The following PSD3 variants were observed in gnomAD, a reference collection of about 807,000 sequenced individuals.
PSD3 encodes the protein PH and SEC7 domain-containing protein 3.
PSD3 carries 49 observed loss-of-function variants against 105.5 expected under a neutral mutation model. The ratio of observed to expected loss-of-function variants is 0.46; its 90% CI spans 0.37 to 0.59. PSD3 has a LOEUF of 0.59. PSD3 is among the 20% of genes least tolerant of loss of function. The probability of loss-of-function intolerance (pLI) is 0.00; values close to 1 mark genes in which losing one functional copy is unlikely to be tolerated. For missense variants in PSD3, 1,561 were observed against 1,263.8 expected (o/e 1.24, Z -3.57); for synonymous variants, 557 against 457.8 (o/e 1.22, Z -2.77).
chr8:18,838,457 T>C (rs926729812), intron 4 of PSD3, among the ~76,000 whole-genome samples: 3 of 152,118 alleles, frequency 2.0e-5, no homozygotes. Context: ...TAAAAATAAA[T>C]AAATGAAGTT....
At chr8:19,033,947 G>A (rs532302179) in intron 1 of PSD3, among the ~76,000 whole-genome samples, 73 of 152,204 alleles carry the variant, frequency 4.8e-4, no homozygotes, top group African/African-American at 1.7e-3. Context: ...CTGATAGAGG[G>A]GTTAAGCAAC....
chr8:19,077,867 G>A (rs370901117), intron 1 of PSD3, among the ~76,000 whole-genome samples: 15 of 152,112 alleles, frequency 9.9e-5, no homozygotes, highest in East Asian at 9.6e-4. Flanking sequence ...CCTTTTTGGT[G>A]TTCTGACTTC....
chr8:18,881,779 T>C (rs1818119834), intron 2 of PSD3, among the ~76,000 whole-genome samples: 1 of 152,202 alleles, frequency 6.6e-6, no homozygotes, highest in Non-Finnish European at 1.5e-5. Context: ...AAATATAAAC[T>C]CTAAAAGGCA....
chr8:18,671,358 A>G (rs1476543153), intron 9 of PSD3, among the ~76,000 whole-genome samples: 1 of 152,124 alleles, frequency 6.6e-6, no homozygotes, highest in African/African-American at 2.4e-5. Flanking sequence ...ATGCCCTCCA[A>G]TTTTACATGA....
At chr8:18,775,054 C>T (rs1336085191) in intron 8 of PSD3, 1 of 427,658 alleles carries the variant, frequency 2.3e-6, no homozygotes, top group Admixed American at 2.6e-5. Flanking sequence ...AATCTACTCT[C>T]TACCTTCATG....
At position 19,074,957 on chromosome 8, in the gene PSD3, T is replaced by C. The variant is rs73206495; in HGVS notation, c.324+9249A>G. ...ACTTTTGAAAATTAATTACTATTTT[T>C]TTTTTTGAGATGGAGTCTTGCCCTT... On this transcript the variant is annotated intron_variant, in intron 1 of 1. Transcript: ENST00000521475. 3.9e-3 allele frequency among the ~76,000 whole-genome samples: 583 copies of C among 151,106 alleles called. 1 individual carries two copies. The highest frequency in any genetic ancestry group is 6.9e-3 in the Non-Finnish European group (469 of 67,742).
At chr8:19,071,220 C>T (rs34741139) in intron 1 of PSD3, among the ~76,000 whole-genome samples, 42,324 of 151,886 alleles carry the variant, frequency 0.28, 6,232 homozygotes, top group South Asian at 0.36. Flanking sequence ...CCACCATGCC[C>T]GGTTAATTTT....
intron 13 of PSD3, 49 bp downstream of exon 13, chr8:18,575,079 T>A: frequency 1.3e-6 from 2 of 1,580,904 alleles, no homozygotes; most frequent in Non-Finnish European, 1.7e-6. Flanking sequence ...AATAAAGTAG[T>A]GCTAAGTGAA....
intron 4 of PSD3, among the ~76,000 whole-genome samples, chr8:18,860,060 T>A (rs1041919657): frequency 1.6e-4 from 24 of 152,162 alleles, no homozygotes. Flanking sequence ...GTGAGAGACA[T>A]GAGATTCTTC....
At chr8:18,998,453 C>T (rs979942387) in intron 1 of PSD3, among the ~76,000 whole-genome samples, 3 of 151,780 alleles carry the variant, frequency 2.0e-5, no homozygotes, top group Non-Finnish European at 4.4e-5. Flanking sequence ...TTTGGGAGGC[C>T]GAGGCGGGTG....
In PSD3 at chr8:18,805,534, G is replaced by A. The variant is rs117980473; in HGVS notation, c.1635-636C>T. Among the ~76,000 whole-genome samples the A allele has an allele frequency of 5.3e-3, 800 of 152,240 alleles. 7 individuals are homozygous for A. The highest frequency in any genetic ancestry group is 4.2e-3 in the Non-Finnish European group (287 of 67,992). On this transcript the variant is annotated intron_variant, in intron 4 of 15. Transcript: ENST00000327040. ...ATACAACACCAAAGTGAGACAAGTGGTAGTTTCTTAAAGGATATTCTTACT... is the reference window on the plus strand; with the variant it reads ...ATACAACACCAAAGTGAGACAAGTGATAGTTTCTTAAAGGATATTCTTACT...
intron 15 of PSD3, among the ~76,000 whole-genome samples, chr8:18,549,406 C>T (rs1001789799): frequency 1.3e-5 from 2 of 152,046 alleles, no homozygotes; most frequent in Non-Finnish European, 2.9e-5. Context: ...ACGGGTTTCA[C>T]CATGTTGGCC....
At position 18,749,714 on chromosome 8, in the gene PSD3, G is replaced by A. The variant is rs188113777; in HGVS notation, c.2172+15735C>T. ...GACGAGGCAAAAAGAAGAGGATGAG[G>A]AGGTCAGACAGTACCAGAGAGTGAG... On this transcript the variant is annotated intron_variant, in intron 9 of 15. Transcript: ENST00000327040. 1.1e-3 allele frequency among the ~76,000 whole-genome samples: 162 copies of A among 152,268 alleles called. 1 individual carries two copies. The highest frequency in any genetic ancestry group is 3.8e-3 in the African/African-American group (159 of 41,552).
chr8:18,971,371 C>G (rs1400320524), intron 1 of PSD3, among the ~76,000 whole-genome samples: 1 of 152,284 alleles, frequency 6.6e-6, no homozygotes, highest in Admixed American at 6.5e-5. Context: ...TGGACAGTCC[C>G]CTCCCATGCG....
intron 1 of PSD3, among the ~76,000 whole-genome samples, chr8:19,006,386 A>G (rs573967694): frequency 4.0e-4 from 60 of 151,690 alleles, no homozygotes; most frequent in Non-Finnish European, 6.3e-4. Flanking sequence ...TACCTAGCCC[A>G]TAATAAATAC....
intron 14 of PSD3, among the ~76,000 whole-genome samples, chr8:18,562,893 A>C (rs976001139): frequency 9.8e-4 from 8 of 8,192 alleles, no homozygotes; most frequent in Non-Finnish European, 7.5e-3. Context: ...TGTCTAGATA[A>C]AGAAAAAGAA....
chr8:18,785,600 CA>C (rs1809064694), intron 8 of PSD3, among the ~76,000 whole-genome samples: 1 of 152,170 alleles, frequency 6.6e-6, no homozygotes, highest in South Asian at 2.1e-4. Context: ...ACCGGAATGG[CA>C]CTTTTAATTT....
chr8:18,832,253 A>G (rs959126417), intron 4 of PSD3, among the ~76,000 whole-genome samples: 1 of 152,228 alleles, frequency 6.6e-6, no homozygotes, highest in African/African-American at 2.4e-5. Context: ...ATAAAAGTAT[A>G]AAGTATAGGG....
intron 2 of PSD3, among the ~76,000 whole-genome samples, chr8:18,909,700 T>A (rs937139764): frequency 2.0e-5 from 3 of 152,150 alleles, no homozygotes; most frequent in African/African-American, 7.2e-5. Flanking sequence ...GCCAGCCTAG[T>A]CTCAAACTCC....
Sources: allele counts gnomAD v4.1 joint callset (sites outside exome capture counted in the v4.1 genomes callset), GRCh38; gene constraint gnomAD v4.1.1; transcripts MANE v1.5; gene names NCBI Gene and HGNC (gene_info 2026-07-23, HGNC 2026-07-21).